Variants in GALNT7 observed in about 807,000 individuals in gnomAD.
GALNT7 encodes N-acetylgalactosaminyltransferase 7.
GALNT7 carries 60 observed loss-of-function variants against 82.1 expected under a neutral mutation model. That is an observed-to-expected ratio of 0.73 (90% CI 0.59 to 0.91). GALNT7 has a LOEUF of 0.91. GALNT7 is among the 40% of genes least tolerant of loss of function. GALNT7 has a pLI of 0.00. For missense variants in GALNT7, 660 were observed against 804.2 expected (o/e 0.82, Z 2.17); for synonymous variants, 243 against 275.1 (o/e 0.88, Z 1.15).
At chr4:173,257,190 T>A (rs1735072108) in intron 2 of GALNT7, among the ~76,000 whole-genome samples, 1 of 152,224 alleles carries the variant, frequency 6.6e-6, no homozygotes, top group Non-Finnish European at 1.5e-5. Context: ...GAGTTTAAAA[T>A]TGACTTCAAC....
chr4:173,180,375 C>T (rs1195704974), intron 1 of GALNT7, among the ~76,000 whole-genome samples: 2 of 143,420 alleles, frequency 1.4e-5, no homozygotes, highest in African/African-American at 5.3e-5. Context: ...TCATGCAGGC[C>T]GGAGTGCAAT....
chr4:173,319,938 G>A (rs1737743122), intron 11 of GALNT7, among the ~76,000 whole-genome samples: 1 of 152,064 alleles, frequency 6.6e-6, no homozygotes, highest in Admixed American at 6.6e-5. Flanking sequence ...GGCTTTCCAT[G>A]GAAAGTAAAT....
chr4:173,293,588 C>A (rs904662113), intron 3 of GALNT7, among the ~76,000 whole-genome samples: 3 of 152,178 alleles, frequency 2.0e-5, no homozygotes, highest in African/African-American at 7.2e-5. Context: ...CTCGTAATAG[C>A]ACTTGGGTTT....
intron 8 of GALNT7, among the ~76,000 whole-genome samples, chr4:173,313,240 T>G (rs1166850345): frequency 1.3e-5 from 2 of 152,020 alleles, no homozygotes; most frequent in Non-Finnish European, 2.9e-5. Flanking sequence ...ATGATATTTT[T>G]TTCCCTACAC....
At chr4:173,293,773 G>A (rs2126832025) in intron 3 of GALNT7, among the ~76,000 whole-genome samples, 1 of 152,316 alleles carries the variant, frequency 6.6e-6, no homozygotes, top group East Asian at 1.9e-4. Context: ...CGGTCCTTGT[G>A]GGTCAGCCTA....
intron 2 of GALNT7, among the ~76,000 whole-genome samples, chr4:173,250,165 T>C (rs1394058927): frequency 6.6e-6 from 1 of 152,090 alleles, no homozygotes; most frequent in Non-Finnish European, 1.5e-5. Context: ...CCCTAGGTGA[T>C]TTGGTGTGAA....
chr4:173,267,376 A>G (rs903547040), intron 2 of GALNT7, among the ~76,000 whole-genome samples: 1 of 152,210 alleles, frequency 6.6e-6, no homozygotes, highest in East Asian at 1.9e-4. Context: ...CTGAAAGAGC[A>G]TTCCATTAAA....
chr4:173,308,077 G>A (rs1737225773), intron 8 of GALNT7, among the ~76,000 whole-genome samples: 1 of 152,172 alleles, frequency 6.6e-6, no homozygotes, highest in Non-Finnish European at 1.5e-5. Flanking sequence ...TGTGCCTCAG[G>A]TATGTAGACC....
chr4:173,224,693 C>T (rs1210958035), intron 1 of GALNT7, among the ~76,000 whole-genome samples: 2 of 151,982 alleles, frequency 1.3e-5, no homozygotes, highest in African/African-American at 4.8e-5. Flanking sequence ...CTTTGCAATT[C>T]TTTCTGTCCC....
intron 3 of GALNT7, among the ~76,000 whole-genome samples, chr4:173,294,985 C>A (rs1736668651): frequency 1.3e-5 from 2 of 152,034 alleles, no homozygotes; most frequent in South Asian, 4.1e-4. Context: ...TGTGTGGATT[C>A]CAGTGCAATT....
intron 2 of GALNT7, among the ~76,000 whole-genome samples, chr4:173,268,843 GT>G (rs775953379): frequency 7.9e-5 from 12 of 151,958 alleles, no homozygotes; most frequent in Non-Finnish European, 1.2e-4. Context: ...CCGGACACTT[GT>G]TTACTCTATG....
At chr4:173,243,940 A>G (rs528320622) in intron 1 of GALNT7, among the ~76,000 whole-genome samples, 4 of 152,270 alleles carry the variant, frequency 2.6e-5, no homozygotes, top group Admixed American at 2.6e-4. Context: ...GGATTCATTC[A>G]TTTATTCAGT....
At chr4:173,265,113 C>A (rs1735433176) in intron 2 of GALNT7, among the ~76,000 whole-genome samples, 1 of 152,234 alleles carries the variant, frequency 6.6e-6, no homozygotes, top group African/African-American at 2.4e-5. Context: ...AGCCAGGATA[C>A]CAGGCTTGCC....
chr4:173,193,858 G>A (rs941159679), intron 1 of GALNT7, among the ~76,000 whole-genome samples: 8 of 152,080 alleles, frequency 5.3e-5, no homozygotes, highest in Non-Finnish European at 1.2e-4. Context: ...GGAGGCATCC[G>A]AGTGGCTTAT....
At chr4:173,304,265 C>T (rs374148535) in intron 8 of GALNT7, 147 bp downstream of exon 8, 9 of 603,148 alleles carry the variant, frequency 1.5e-5, no homozygotes, top group South Asian at 4.9e-5. Flanking sequence ...GACTTATTCA[C>T]GAAATATCTT....
At chr4:173,259,875 T>A (rs2126763314) in intron 2 of GALNT7, among the ~76,000 whole-genome samples, 1 of 152,248 alleles carries the variant, frequency 6.6e-6, no homozygotes, top group South Asian at 2.1e-4. Flanking sequence ...TGACCTCAGG[T>A]GATCCACCCA....
At chr4:173,233,791 C>T (rs1219789442) in intron 1 of GALNT7, among the ~76,000 whole-genome samples, 1 of 152,184 alleles carries the variant, frequency 6.6e-6, no homozygotes, top group African/African-American at 2.4e-5. Context: ...TTTAATGTCT[C>T]ACCCTTGCCT....
intron 1 of GALNT7, among the ~76,000 whole-genome samples, chr4:173,209,103 T>C (rs1322567005): frequency 1.3e-5 from 2 of 152,256 alleles, no homozygotes; most frequent in African/African-American, 4.8e-5. Context: ...TGCCCGTTGC[T>C]GAGCTTTGCT....
At position 173,320,648 on chromosome 4, in the gene GALNT7, GT is replaced by G. The variant is rs1481035742; in HGVS notation, c.1837-925del. On this transcript the variant is annotated intron_variant, in intron 11 of 11. Transcript: ENST00000265000. This position sits in a 1 kb window ranked among gnomAD's most constrained non-coding sequence, Gnocchi z 4.1. ...AATAGCCGTTCATATAATTGTGGCT[GT>G]TTTTTTATTGTACACCACAACTTAA... is the stretch of plus-strand genomic sequence containing the variant. Among the ~76,000 whole-genome samples, 2 of 152,018 alleles carry G rather than the reference GT, an allele frequency of 1.3e-5. No individual in the cohort carries two copies. The highest frequency in any genetic ancestry group is 2.9e-5 in the Non-Finnish European group (2 of 67,978).
Sources: allele counts gnomAD v4.1 joint callset (sites outside exome capture counted in the v4.1 genomes callset), GRCh38; gene constraint gnomAD v4.1.1; non-coding constraint Gnocchi (gnomAD v3.1); transcripts MANE v1.5; gene names NCBI Gene and HGNC (gene_info 2026-07-23, HGNC 2026-07-21).